The following CACNG2 variants were observed in gnomAD, a reference collection of about 807,000 sequenced individuals.
CACNG2 encodes voltage-dependent calcium channel gamma-2 subunit.
A neutral mutation model predicts 25.9 loss-of-function variants in CACNG2; 3 were observed. The observed-to-expected ratio is 0.12, with a 90% CI of 0.05 to 0.30. The LOEUF (loss-of-function observed/expected upper bound fraction) is 0.30. Ranked by LOEUF, CACNG2 falls within the 10% of genes least tolerant of loss-of-function variation. The probability of loss-of-function intolerance (pLI) is 1.00; values close to 1 mark genes in which losing one functional copy is unlikely to be tolerated. For missense variants in CACNG2, 341 were observed against 432.5 expected (o/e 0.79, Z 1.88); for synonymous variants, 167 against 173.3 (o/e 0.96, Z 0.29).
At chr22:36,625,612 T>C (rs1425040397) in intron 1 of CACNG2, among the ~76,000 whole-genome samples, 2 of 152,240 alleles carry the variant, frequency 1.3e-5, no homozygotes, top group Non-Finnish European at 2.9e-5. Context: ...TCACCGATGA[T>C]AGCAGCTAAT....
Position 36,563,126 on chromosome 22 carries a change from A to T in CACNG2, c.*1225T>A, listed in dbSNP as rs1383304241. Among the ~76,000 whole-genome samples the T allele has an allele frequency of 3.3e-5, 5 of 151,280 alleles. No individual in the cohort carries two copies. Among genetic ancestry groups the T allele is most frequent in the African/African-American group, 1.2e-4 (5 of 41,170 alleles). Reference sequence around the variant, plus strand: ...ATTTATAGTCTGTGGTTTTTTTATTAAAAAAAAATCACCACTTGTTTTTCC... The same window carrying T: ...ATTTATAGTCTGTGGTTTTTTTATTTAAAAAAAATCACCACTTGTTTTTCC... On this transcript the variant is annotated 3_prime_UTR_variant, in exon 4 of 4. Coordinates refer to ENST00000300105, the MANE Select transcript of CACNG2 (RefSeq NM_006078.5).
chr22:36,587,404 G>T, intron 2 of CACNG2, 61 bp downstream of exon 2: 3 of 1,213,536 alleles, frequency 2.5e-6, no homozygotes, highest in Non-Finnish European at 2.5e-6. Flanking sequence ...TTGACTCTGT[G>T]AAGGATGGAA....
chr22:36,682,225 A>C (rs1937134103), intron 1 of CACNG2, among the ~76,000 whole-genome samples: 1 of 152,226 alleles, frequency 6.6e-6, no homozygotes, highest in South Asian at 2.1e-4. Context: ...GCCAGTGAAG[A>C]GACGGAGTCC....
At chr22:36,578,484 C>T (rs994885138) in intron 2 of CACNG2, among the ~76,000 whole-genome samples, 16 of 152,128 alleles carry the variant, frequency 1.1e-4, no homozygotes, top group African/African-American at 2.2e-4. Flanking sequence ...GCACTGTTCA[C>T]GGGAGGCTCA....
At chr22:36,690,955 A>G (rs1224001567) in intron 1 of CACNG2, among the ~76,000 whole-genome samples, 4 of 152,140 alleles carry the variant, frequency 2.6e-5, no homozygotes, top group African/African-American at 9.7e-5. Flanking sequence ...ATCCCTCATT[A>G]CTAACACCTT....
At chr22:36,614,649 A>G (rs1248354268) in intron 1 of CACNG2, among the ~76,000 whole-genome samples, 3 of 152,168 alleles carry the variant, frequency 2.0e-5, no homozygotes, top group Non-Finnish European at 4.4e-5. Flanking sequence ...CAGCACATCC[A>G]CAGAGAGCAG....
chr22:36,616,975 C>T (rs557080657), intron 1 of CACNG2, among the ~76,000 whole-genome samples: 1 of 152,128 alleles, frequency 6.6e-6, no homozygotes, highest in Admixed American at 6.5e-5. Context: ...AGGAAAGGGA[C>T]ACAGACATTG....
intron 1 of CACNG2, among the ~76,000 whole-genome samples, chr22:36,651,910 T>C (rs969440906): frequency 2.0e-5 from 3 of 151,930 alleles, no homozygotes; most frequent in East Asian, 3.9e-4. Flanking sequence ...GTTGCCCAGG[T>C]TGGAGTGCAG....
At chr22:36,663,134 A>T (rs1236703574) in intron 1 of CACNG2, among the ~76,000 whole-genome samples, 1 of 152,162 alleles carries the variant, frequency 6.6e-6, no homozygotes, top group African/African-American at 2.4e-5. Flanking sequence ...TAGGAGCCCA[A>T]GCCCTTTGAG....
intron 1 of CACNG2, among the ~76,000 whole-genome samples, chr22:36,609,821 T>A (rs1042072537): frequency 7.1e-6 from 1 of 140,282 alleles, no homozygotes; most frequent in Non-Finnish European, 1.5e-5. Context: ...CAGAGCATGA[T>A]CAGGACGAAT....
chr22:36,634,543 C>T (rs1391122894), intron 1 of CACNG2, among the ~76,000 whole-genome samples: 1 of 152,166 alleles, frequency 6.6e-6, no homozygotes, highest in Non-Finnish European at 1.5e-5. Context: ...ATATCAGATA[C>T]CATTACCCTG....
Position 36,575,501 on chromosome 22 carries a change from C to T in CACNG2, c.296-9008G>A, listed in dbSNP as rs565651620. On this transcript the variant is annotated intron_variant, in intron 2 of 3. Transcript: ENST00000300105. Reference sequence around the variant, plus strand: ...GAGGTTTTCTCACTGTGTCTGGCAGCGGAGGAGGGTGGGCTGGTGGTCAGT... The same window carrying T: ...GAGGTTTTCTCACTGTGTCTGGCAGTGGAGGAGGGTGGGCTGGTGGTCAGT... Among the ~76,000 whole-genome samples the T allele has an allele frequency of 2.3e-4, 30 of 127,782 alleles. 1 individual carries two copies. Among genetic ancestry groups the T allele is most frequent in the South Asian group, 1.0e-3 (4 of 3,962 alleles). 83.8% of individuals were successfully genotyped at this position (127,782 alleles called of 152,430 possible). A position where few individuals can be genotyped will look rare whatever the true frequency, so the allele number is the denominator to read the frequency against.
intron 1 of CACNG2, among the ~76,000 whole-genome samples, chr22:36,599,080 G>C (rs929735959): frequency 6.6e-6 from 1 of 152,194 alleles, no homozygotes; most frequent in Non-Finnish European, 1.5e-5. Flanking sequence ...ACATGCACAC[G>C]ATGTATGAGA....
intron 1 of CACNG2, among the ~76,000 whole-genome samples, chr22:36,608,078 G>T (rs114072460): frequency 2.0e-5 from 3 of 151,962 alleles, no homozygotes; most frequent in African/African-American, 7.3e-5. Context: ...GTTGATATCC[G>T]GGTAAGTGTT....
chr22:36,567,263 G>A (rs144151055), intron 2 of CACNG2, among the ~76,000 whole-genome samples: 210 of 152,328 alleles, frequency 1.4e-3, no homozygotes, highest in African/African-American at 4.7e-3. Flanking sequence ...TTCAATGCAT[G>A]ATATTATAAT....
At chr22:36,589,414 C>T (rs1265501009) in intron 1 of CACNG2, among the ~76,000 whole-genome samples, 2 of 152,122 alleles carry the variant, frequency 1.3e-5, no homozygotes, top group African/African-American at 4.8e-5. Flanking sequence ...TTGCATCAAC[C>T]TAATAGTACA....
intron 1 of CACNG2, among the ~76,000 whole-genome samples, chr22:36,666,280 C>T (rs538859766): frequency 7.2e-5 from 11 of 152,234 alleles, no homozygotes; most frequent in African/African-American, 2.6e-4. Flanking sequence ...TAGTGGCATG[C>T]AGCTTTGGTC....
chr22:36,671,731 G>A, intron 1 of CACNG2, among the ~76,000 whole-genome samples: 1 of 152,144 alleles, frequency 6.6e-6, no homozygotes, highest in East Asian at 1.9e-4. Context: ...TAAGTTACAG[G>A]CCTGGCTGGA....
intron 1 of CACNG2, among the ~76,000 whole-genome samples, chr22:36,676,227 C>A (rs1291160956): frequency 6.6e-6 from 1 of 152,216 alleles, no homozygotes; most frequent in African/African-American, 2.4e-5. Flanking sequence ...GTAGCTGTGA[C>A]CACACACGTG....
Sources: gnomAD v4.1 joint callset for allele counts (sites outside exome capture counted in the v4.1 genomes callset) on GRCh38, gnomAD v4.1.1 for gene constraint, MANE v1.5 for transcripts, NCBI Gene and HGNC (gene_info 2026-07-23, HGNC 2026-07-21) for gene names.